The following ADPRHL1 variants were observed in gnomAD, a reference collection of about 807,000 sequenced individuals.
ADPRHL1 encodes ADP-ribosylhydrolase like 1, also known as inactive ADP-ribosyltransferase ARH2.
Under a neutral mutation model 44.1 loss-of-function variants are expected in ADPRHL1, and 43 were observed. That is an observed-to-expected ratio of 0.98 (90% CI 0.76 to 1.26). The LOEUF is 1.26. Ranked by LOEUF, ADPRHL1 falls within the 50% of genes most tolerant of loss-of-function variation. ADPRHL1 has a pLI of 0.00. For synonymous variants in ADPRHL1, 878 were observed against 1,017.4 expected (o/e 0.86, Z 2.61); for missense variants, 2,022 against 2,496.9 (o/e 0.81, Z 4.05).
chr13:113,408,120 T>G lies in ADPRHL1; in HGVS notation c.1162A>C (p.Ile388Leu). The stretch of plus-strand genomic sequence containing the variant: ...ACGTAGAGCAGCAGGCTGCTGAGGA[T>G]GGAGTGGGCGGCCGGGTCACAGGCC... ...KLACDPAAHS[I>L]LSSLLLYVTG... The change falls in exon 8 of 8, where the codon ATC becomes CTC. Residue 388 changes from isoleucine (I) to leucine (L), a missense_variant. Physicochemically the swap from Ile to Leu is conservative, Grantham distance 5. Coordinates refer to ENST00000612156, the MANE Select transcript of ADPRHL1 (RefSeq NM_001394807.1). 1 of 1,232,038 alleles carries G rather than the reference T, an allele frequency of 8.1e-7. No individual in the cohort carries two copies. The highest frequency in any genetic ancestry group is 3.2e-5 in the East Asian group (1 of 31,702). 76.3% of individuals were successfully genotyped at this position (1,232,038 alleles called of 1,614,324 possible).
intron 7 of ADPRHL1, among the ~76,000 whole-genome samples, chr13:113,421,244 A>C (rs1465229914): frequency 1.6e-4 from 2 of 12,628 alleles, no homozygotes; most frequent in African/African-American, 2.3e-4. Context: ...CCCCCGGGAC[A>C]CGCCCACCCC....
chr13:113,410,081 G>C (rs895041673), intron 7 of ADPRHL1: 19 of 985,404 alleles, frequency 1.9e-5, no homozygotes, highest in Non-Finnish European at 2.2e-5. Flanking sequence ...GACAGCGGCT[G>C]ACCACATGAC....
Position 113,417,668 on chromosome 13 carries a change from T to C in ADPRHL1, c.1061+5158A>G, listed in dbSNP as rs528869928. On this transcript the variant is annotated intron_variant, in intron 7 of 7. Transcript: ENST00000612156. ...GTCTCAGGCTGTTCTTTGAGACTCA[T>C]GTGAATGCTTTTCCCGCAACAGGCT... 7.2e-5 allele frequency among the ~76,000 whole-genome samples: 11 copies of C among 152,398 alleles called. No individual in the cohort carries two copies. In the East Asian group the frequency reaches 1.7e-3, roughly 24 times the overall value.
Position 113,404,815 on chromosome 13 carries a change from C to G in ADPRHL1, c.4467G>C (p.Gln1489His). Reference sequence around the variant, plus strand: ...CCCGGTCCCATTCCTGAACCTGTTTCTGGGCCTGTCCTTGGGCTGCCGGGC... The same window carrying G: ...CCCGGTCCCATTCCTGAACCTGTTTGTGGGCCTGTCCTTGGGCTGCCGGGC... ...PGSPAAQGQA[Q>H]KQVQEWDRGQ... The change falls in exon 8 of 8, where the codon CAG (glutamine) becomes CAC (histidine). Residue 1489 changes from glutamine (Q) to histidine (H), a missense_variant. Physicochemically the swap from Gln to His is conservative, Grantham distance 24 (BLOSUM62 0). Transcript: ENST00000612156. 8.0e-7 allele frequency: 1 copy of G among 1,256,228 alleles called. No individual in the cohort carries two copies. The allele number at this position is 1,256,228 out of a possible 1,614,324, so 77.8% of individuals were successfully genotyped here. A position where few individuals can be genotyped will look rare whatever the true frequency, so the allele number is the denominator to read the frequency against.
intron 2 of ADPRHL1, among the ~76,000 whole-genome samples, chr13:113,438,572 T>G (rs1284926399): frequency 1.3e-5 from 2 of 152,142 alleles, no homozygotes; most frequent in African/African-American, 4.8e-5. Flanking sequence ...CACGCACCTG[T>G]AGTCCCAGCT....
Position 113,407,844 on chromosome 13 carries a change from C to T in ADPRHL1, c.1438G>A (p.Glu480Lys). The change falls in exon 8 of 8, where the codon GAG becomes AAG. Residue 480 changes from glutamate (E) to lysine (K), a missense_variant. Transcript: ENST00000612156. ...CTGAGGCAGGGCTTTGGGGCCGGCT[C>T]CTTGGTCTTCTCCAGGAGCTTGTTG... ...TINKLLEKTK[E>K]PAPKPCLSEK... 4 of 1,231,966 alleles carry T rather than the reference C, an allele frequency of 3.2e-6. No homozygotes were observed. 76.3% of individuals were successfully genotyped at this position (1,231,966 alleles called of 1,614,324 possible).
At chr13:113,424,943 TATCC>T (rs2043957279) in intron 5 of ADPRHL1, 105 bp downstream of exon 5, 20 of 1,327,904 alleles carry the variant, frequency 1.5e-5, no homozygotes, top group Middle Eastern at 1.9e-4. Context: ...TCCATCCATC[TATCC>T]ATCCATCCAT....
rs2043775635 is a variant in ADPRHL1, at chr13:113,403,191, C to A, written c.*187G>T. On this transcript the variant is annotated 3_prime_UTR_variant, in exon 8 of 8. Transcript: ENST00000612156. ...ATGGCCTCGTGGCTCTGTGGGGTGA[C>A]AGGAACCCGACCCACATGTAGCTCA... 7 of 477,176 alleles carry A rather than the reference C, an allele frequency of 1.5e-5. No individual in the cohort carries two copies. The highest frequency in any genetic ancestry group is 9.9e-6 in the Non-Finnish European group (3 of 302,128). The allele number at this position is 477,176 out of a possible 1,614,324, so 29.6% of individuals were successfully genotyped here.
rs535055410 is a variant in ADPRHL1 at position 113,407,616 on chromosome 13, C to T, written c.1666G>A (p.Glu556Lys). 61 of 1,232,136 alleles carry T rather than the reference C, an allele frequency of 5.0e-5. No homozygotes were observed. In the African/African-American group the frequency reaches 6.5e-4, roughly 13 times the overall value. 76.3% of individuals were successfully genotyped at this position (1,232,136 alleles called of 1,614,324 possible). A position where few individuals can be genotyped will look rare whatever the true frequency, so the allele number is the denominator to read the frequency against. ...SVLSKLREKF[E>K]QNSCLCSEAS... is the part of the protein sequence containing the mutation. ...TCGGAGCACAGGCAGCTGTTCTGCT[C>T]GAACTTCTCCCGCAGCTTGGACAGC... is the stretch of plus-strand genomic sequence containing the variant. Residue 556 changes from glutamate (E) to lysine (K), a missense_variant, in exon 8 of 8, where the codon GAG becomes AAG. This residue lies in a region of ADPRHL1 where 1,221 missense variants were observed against 1,517.8 expected (regional missense o/e 0.80). Coordinates refer to ENST00000612156, the MANE Select transcript of ADPRHL1 (RefSeq NM_001394807.1).
chr13:113,412,838 A>G (rs1469765055), intron 7 of ADPRHL1, among the ~76,000 whole-genome samples: 1 of 76,208 alleles, frequency 1.3e-5, no homozygotes, highest in African/African-American at 7.0e-5. Flanking sequence ...ACCCACCGCC[A>G]ACAGCGCCCC....
At chr13:113,425,684 CTTTT>C (rs66812194) in intron 4 of ADPRHL1, among the ~76,000 whole-genome samples, 3 of 133,900 alleles carry the variant, frequency 2.2e-5, no homozygotes, top group Admixed American at 7.4e-5. Flanking sequence ...TTTTTTCTTT[CTTTT>C]TTTTTTTTTT....
chr13:113,415,039 G>T (rs747798779), intron 7 of ADPRHL1, among the ~76,000 whole-genome samples: 1 of 152,176 alleles, frequency 6.6e-6, no homozygotes, highest in Non-Finnish European at 1.5e-5. Flanking sequence ...GAAGATCAGG[G>T]AGGGCGACAC....
Position 113,399,809 on chromosome 13 carries a change from G to T in ADPRHL1, c.*3569C>A, listed in dbSNP as rs1259879976. On this transcript the variant is annotated 3_prime_UTR_variant, in exon 8 of 8. Coordinates refer to ENST00000612156, the MANE Select transcript of ADPRHL1 (RefSeq NM_001394807.1). ...TAGCCTAATACACAACCGAAAGACC[G>T]TAACTCCAACAGCAGAGATACCCTG... The T allele has an allele frequency of 6.6e-6, 1 of 151,924 alleles. No homozygotes were observed. Among genetic ancestry groups the T allele is most frequent in the African/African-American group, 2.4e-5 (1 of 41,386 alleles). 9.4% of individuals were successfully genotyped at this position (151,924 alleles called of 1,614,324 possible).
At chr13:113,448,332 A>G (rs2044155965) in intron 1 of ADPRHL1, among the ~76,000 whole-genome samples, 1 of 151,828 alleles carries the variant, frequency 6.6e-6, no homozygotes, top group South Asian at 2.1e-4. Flanking sequence ...CGTCTCTACT[A>G]AAAATACAAA....
chr13:113,405,746 C>T lies in ADPRHL1; in HGVS notation c.3536G>A (p.Gly1179Glu). 3.2e-6 allele frequency: 4 copies of T among 1,231,842 alleles called. No homozygotes were observed. The highest frequency in any genetic ancestry group is 4.0e-6 in the Non-Finnish European group (4 of 988,044). 76.3% of individuals were successfully genotyped at this position (1,231,842 alleles called of 1,614,324 possible). A position where few individuals can be genotyped will look rare whatever the true frequency, so the allele number is the denominator to read the frequency against. The change falls in exon 8 of 8, where the codon GGA (glycine) becomes GAA (glutamate). Residue 1179 changes from glycine to glutamate, a missense_variant. Coordinates refer to ENST00000612156, the MANE Select transcript of ADPRHL1 (RefSeq NM_001394807.1). ...PHSHGLLAPG[G>E]SLEPKSGAAG... ...TGCTCCACTCTTGGGCTCCAAGGAT[C>T]CCCCAGGGGCCAGGAGGCCGTGGCT... is the stretch of plus-strand genomic sequence containing the variant.
chr13:113,442,850 G>T (rs964011489), intron 2 of ADPRHL1, among the ~76,000 whole-genome samples: 3 of 152,186 alleles, frequency 2.0e-5, no homozygotes, highest in Non-Finnish European at 4.4e-5. Flanking sequence ...GGCCGCCCGC[G>T]GGTCGCTGGT....
Position 113,404,387 on chromosome 13 carries a change from G to A in ADPRHL1, c.4895C>T (p.Thr1632Ile). The A allele has an allele frequency of 1.5e-6, 2 of 1,323,702 alleles. No homozygotes were observed. The highest frequency in any genetic ancestry group is 1.9e-6 in the Non-Finnish European group (2 of 1,044,834). 82.0% of individuals were successfully genotyped at this position (1,323,702 alleles called of 1,614,324 possible). ...AACCCGTTCCTGAGCCCCTTTCTGG[G>A]TCTGTTCCTGAGCCCATTTCTGGGC... ...IKAQKWAQEQ[T>I]QKGAQERVQG... The change falls in exon 8 of 8, where the codon ACC becomes ATC. Residue 1632 changes from threonine (T) to isoleucine (I), a missense_variant. Physicochemically the swap from Thr to Ile is moderately conservative, Grantham distance 89. This residue lies in a region of ADPRHL1 where 78 missense variants were observed against 76.5 expected (regional missense o/e 1.02). Coordinates refer to ENST00000612156, the MANE Select transcript of ADPRHL1 (RefSeq NM_001394807.1).
At chr13:113,452,188 G>A (rs1367544789) in intron 1 of ADPRHL1, among the ~76,000 whole-genome samples, 1 of 152,202 alleles carries the variant, frequency 6.6e-6, no homozygotes, top group Non-Finnish European at 1.5e-5. Context: ...TGGTCCTAAG[G>A]GCACACGAGT....
At chr13:113,414,895 G>A (rs1402358072) in intron 7 of ADPRHL1, among the ~76,000 whole-genome samples, 3 of 151,878 alleles carry the variant, frequency 2.0e-5, no homozygotes, top group African/African-American at 4.8e-5. Flanking sequence ...GGCTGGTTTC[G>A]AACTCCTGAC....
Sources: gnomAD v4.1 joint callset for allele counts (sites outside exome capture counted in the v4.1 genomes callset) on GRCh38, gnomAD v4.1.1 for gene constraint, gnomAD v4.1.1 regional missense constraint, MANE v1.5 for transcripts, NCBI Gene and HGNC (gene_info 2026-07-23, HGNC 2026-07-21) for gene names.